RBMS1: variants seen among roughly 807,000 people sequenced by gnomAD.
The protein encoded by RBMS1 is RNA binding motif single stranded interacting protein 1.
Under a neutral mutation model 62.3 loss-of-function variants are expected in RBMS1, and 17 were observed. The ratio of observed to expected loss-of-function variants is 0.27; its 90% CI spans 0.19 to 0.41. The LOEUF is 0.41. RBMS1 is among the 10% of genes least tolerant of loss of function. RBMS1 has a pLI of 1.00. For synonymous variants in RBMS1, 172 were observed against 170.0 expected, an observed-to-expected ratio of 1.01 and a Z score of -0.09; for missense variants, 334 against 504.5, an observed-to-expected ratio of 0.66 and a Z score of 3.24.
intron 1 of RBMS1, among the ~76,000 whole-genome samples, chr2:160,475,565 T>C (rs149564033): frequency 9.6e-4 from 147 of 152,342 alleles, no homozygotes; most frequent in Non-Finnish European, 1.6e-3. Context: ...GAAAATGTCG[T>C]TGTCTCTTTT....
intron 1 of RBMS1, among the ~76,000 whole-genome samples, chr2:160,456,453 A>C (rs1684234248): frequency 6.6e-6 from 1 of 152,214 alleles, no homozygotes; most frequent in Admixed American, 6.5e-5. Context: ...GCTTAAATAA[A>C]ATACAGTATA....
At chr2:160,363,442 C>A (rs1222668864) in intron 2 of RBMS1, among the ~76,000 whole-genome samples, 5 of 152,100 alleles carry the variant, frequency 3.3e-5, no homozygotes, top group African/African-American at 1.2e-4. Context: ...GCGTTTGGAC[C>A]TGGCCTTGCT....
At chr2:160,480,471 CT>C (rs1685319004) in intron 1 of RBMS1, among the ~76,000 whole-genome samples, 2 of 152,080 alleles carry the variant, frequency 1.3e-5, no homozygotes, top group Non-Finnish European at 2.9e-5. Flanking sequence ...TAATACAGAT[CT>C]TGAAGAAATC....
At chr2:160,285,552 G>A (rs557064886) in intron 7 of RBMS1, among the ~76,000 whole-genome samples, 5 of 151,726 alleles carry the variant, frequency 3.3e-5, no homozygotes, top group African/African-American at 1.2e-4. Flanking sequence ...GGATCAATAT[G>A]TTATTGTTTT....
At chr2:160,375,198 T>C (rs1176932721) in intron 1 of RBMS1, among the ~76,000 whole-genome samples, 1 of 152,204 alleles carries the variant, frequency 6.6e-6, no homozygotes, top group African/African-American at 2.4e-5. Context: ...CTTGTCTGTC[T>C]GCCAAATAGA....
At chr2:160,450,564 G>GAAAAAAA (rs1181640365) in intron 1 of RBMS1, among the ~76,000 whole-genome samples, 15 of 56,550 alleles carry the variant, frequency 2.7e-4, no homozygotes, top group Non-Finnish European at 2.8e-4. Context: ...AATAAAAAAT[G>GAAAAAAA]AAAAAAAAAA....
intron 2 of RBMS1, among the ~76,000 whole-genome samples, chr2:160,363,088 T>C (rs796948490): frequency 6.6e-6 from 1 of 152,224 alleles, no homozygotes; most frequent in African/African-American, 2.4e-5. Context: ...CTTACATTAT[T>C]TGATTTAATG....
At chr2:160,359,715 T>C (rs1036988493) in intron 2 of RBMS1, among the ~76,000 whole-genome samples, 4 of 152,202 alleles carry the variant, frequency 2.6e-5, no homozygotes, top group African/African-American at 7.2e-5. Flanking sequence ...AACTATTTAA[T>C]TTATTAGAAT....
At chr2:160,308,768 C>A (rs913239169) in intron 4 of RBMS1, among the ~76,000 whole-genome samples, 1 of 152,128 alleles carries the variant, frequency 6.6e-6, no homozygotes, top group Non-Finnish European at 1.5e-5. Flanking sequence ...CTAAAGAGGT[C>A]TTTGAACAGT....
chr2:160,337,168 C>A (rs1447354217), intron 2 of RBMS1, among the ~76,000 whole-genome samples: 2 of 144,920 alleles, frequency 1.4e-5, no homozygotes, highest in Non-Finnish European at 1.5e-5. Flanking sequence ...GAGTCTCGCT[C>A]TATCGCCCAG....
chr2:160,302,774 G>C (rs917522949), intron 5 of RBMS1: 2 of 149,418 alleles, frequency 1.3e-5, no homozygotes, highest in African/African-American at 4.9e-5. Flanking sequence ...TTACAGGCAT[G>C]AGCCACCATG....
At chr2:160,311,224 C>CTATATATCTATATATCTATA (rs1553505400) in intron 4 of RBMS1, among the ~76,000 whole-genome samples, 2,236 of 56,232 alleles carry the variant, frequency 0.04, 159 homozygotes, top group East Asian at 0.36. Context: ...ATCTATCTAT[C>CTATATATCTATATATCTATA]TATCTATCTA....
At chr2:160,451,911 A>C (rs1425875475) in intron 1 of RBMS1, among the ~76,000 whole-genome samples, 1 of 152,172 alleles carries the variant, frequency 6.6e-6, no homozygotes, top group Non-Finnish European at 1.5e-5. Flanking sequence ...CGCCTGGCCA[A>C]TGCAGCAGTA....
intron 2 of RBMS1, among the ~76,000 whole-genome samples, chr2:160,360,183 T>C (rs1431270921): frequency 6.6e-6 from 1 of 152,254 alleles, no homozygotes; most frequent in East Asian, 1.9e-4. Flanking sequence ...AATAAAAGCA[T>C]GGTCAAATCT....
chr2:160,448,504 CG>C (rs1272225758), intron 1 of RBMS1, among the ~76,000 whole-genome samples: 1 of 152,248 alleles, frequency 6.6e-6, no homozygotes, highest in African/African-American at 2.4e-5. Flanking sequence ...CCGTGTTGGC[CG>C]GGCTGGTCTC....
At chr2:160,374,241 C>T (rs961942861) in intron 1 of RBMS1, among the ~76,000 whole-genome samples, 9 of 151,984 alleles carry the variant, frequency 5.9e-5, no homozygotes, top group Non-Finnish European at 1.0e-4. Context: ...GGTAACAGAG[C>T]GAGACCTTGT....
Position 160,493,462 on chromosome 2 carries a change from G to A in RBMS1, c.-99C>T. On this transcript the variant is annotated 5_prime_UTR_variant, in exon 1 of 14. Transcript: ENST00000348849. Reference sequence around the variant, plus strand: ...TCCCTTTCCGGCGGCGGCGGCAGCGGCGGCGGCGGCGGCGGCTGCTGCTGC... The same window carrying A: ...TCCCTTTCCGGCGGCGGCGGCAGCGACGGCGGCGGCGGCGGCTGCTGCTGC... The A allele has an allele frequency of 9.8e-7, 1 of 1,019,700 alleles. No individual in the cohort carries two copies. Among genetic ancestry groups the A allele is most frequent in the Non-Finnish European group, 1.5e-6 (1 of 670,994 alleles). The allele number at this position is 1,019,700 out of a possible 1,614,324, so 63.2% of individuals were successfully genotyped here. A position where few individuals can be genotyped will look rare whatever the true frequency, so the allele number is the denominator to read the frequency against.
At chr2:160,482,044 T>C (rs767021098) in intron 1 of RBMS1, among the ~76,000 whole-genome samples, 4 of 152,158 alleles carry the variant, frequency 2.6e-5, no homozygotes, top group African/African-American at 4.8e-5. Context: ...TAGTCTTAAA[T>C]TGAAATAATC....
At chr2:160,376,211 G>A (rs1250757185) in intron 1 of RBMS1, among the ~76,000 whole-genome samples, 1 of 152,122 alleles carries the variant, frequency 6.6e-6, no homozygotes, top group Non-Finnish European at 1.5e-5. Flanking sequence ...TATTAAGTTA[G>A]AAAACTTATA....
Sources: allele counts gnomAD v4.1 joint callset (sites outside exome capture counted in the v4.1 genomes callset), GRCh38; gene constraint gnomAD v4.1.1; transcripts MANE v1.5; gene names NCBI Gene and HGNC (gene_info 2026-07-23, HGNC 2026-07-21).